SLC25A36: variants seen among roughly 807,000 people sequenced by gnomAD.
The protein encoded by SLC25A36 is epididymis secretory sperm binding protein.
In SLC25A36, 24 loss-of-function variants were observed where a neutral mutation model predicts 35.3. The ratio of observed to expected loss-of-function variants is 0.68; its 90% CI spans 0.49 to 0.96. The LOEUF (loss-of-function observed/expected upper bound fraction) is 0.96. Among genes scored for constraint, SLC25A36 ranks in the 40% least tolerant of loss-of-function variants. The pLI is 0.00. For synonymous variants in SLC25A36, 141 were observed against 132.2 expected (o/e 1.07, Z -0.46); for missense variants, 294 against 381.1 (o/e 0.77, Z 1.90).
chr3:140,955,307 T>G (rs972677031), intron 1 of SLC25A36, among the ~76,000 whole-genome samples: 2 of 151,982 alleles, frequency 1.3e-5, no homozygotes, highest in Admixed American at 1.3e-4. Context: ...ATTGCATGGG[T>G]TGCTTTTCTT....
At chr3:140,955,576 A>G (rs1266171294) in intron 1 of SLC25A36, among the ~76,000 whole-genome samples, 1 of 152,184 alleles carries the variant, frequency 6.6e-6, no homozygotes. Flanking sequence ...AGCTTTTGTT[A>G]TTATTGTTCT....
chr3:140,967,033 C>A (rs1450657400), intron 4 of SLC25A36: 1 of 456,200 alleles, frequency 2.2e-6, no homozygotes, highest in African/African-American at 2.0e-5. Context: ...CTAACTTAAA[C>A]CTCGTGAGTA....
At chr3:140,953,927 GC>G (rs1189434560) in intron 1 of SLC25A36, among the ~76,000 whole-genome samples, 2 of 152,204 alleles carry the variant, frequency 1.3e-5, no homozygotes, top group African/African-American at 4.8e-5. Context: ...CTATGATCGT[GC>G]CACTGCACTC....
intron 3 of SLC25A36, among the ~76,000 whole-genome samples, chr3:140,962,602 T>C (rs1576483713): frequency 6.6e-6 from 1 of 152,264 alleles, no homozygotes; most frequent in East Asian, 1.9e-4. Context: ...GTTTAGCATA[T>C]ACTTTAATCA....
chr3:140,948,170 G>T (rs1034027422), intron 1 of SLC25A36, among the ~76,000 whole-genome samples: 1 of 152,130 alleles, frequency 6.6e-6, no homozygotes, highest in African/African-American at 2.4e-5. Context: ...GGTCAGGCTG[G>T]TCTTGAGCTC....
At chr3:140,942,775 A>G (rs982277651) in intron 1 of SLC25A36, 1 of 152,050 alleles carries the variant, frequency 6.6e-6, no homozygotes, top group Non-Finnish European at 1.5e-5. Flanking sequence ...AGGCTTTGGT[A>G]TTCTCCCGTG....
At chr3:140,945,353 C>T (rs1934135198) in intron 1 of SLC25A36, among the ~76,000 whole-genome samples, 2 of 152,176 alleles carry the variant, frequency 1.3e-5, no homozygotes, top group Non-Finnish European at 1.5e-5. Context: ...ATTCAGACAT[C>T]CTCCTTCCCT....
At chr3:140,975,094 A>ATTGTTTTTTTTTTTT (rs1272903563) in intron 6 of SLC25A36, among the ~76,000 whole-genome samples, 1 of 24,236 alleles carries the variant, frequency 4.1e-5, no homozygotes, top group Non-Finnish European at 1.3e-4. Flanking sequence ...AACAAGATAC[A>ATTGTTTTTTTTTTTT]TTCTTTTTTT....
intron 6 of SLC25A36, among the ~76,000 whole-genome samples, chr3:140,975,491 G>T (rs910402920): frequency 6.6e-6 from 1 of 152,068 alleles, no homozygotes; most frequent in Admixed American, 6.6e-5. Flanking sequence ...GCTGTGGGTT[G>T]CTTTAGACTA....
chr3:140,953,266 C>A lies in SLC25A36; in HGVS notation c.42-3261C>A, dbSNP rs188975536. Among the ~76,000 whole-genome samples the A allele has an allele frequency of 4.6e-3, 694 of 151,920 alleles. 7 individuals carry two copies. The highest frequency in any genetic ancestry group is 0.016 in the African/African-American group (648 of 41,430). ...CTATTTCATGGCTGTTTGAAAATAT[C>A]TTTTCCTTGTTTATTGAGTATTGAG... On this transcript the variant is annotated intron_variant, in intron 1 of 6. Transcript: ENST00000324194.
At chr3:140,971,053 A>G (rs956711686) in intron 5 of SLC25A36, 60 bp downstream of exon 5, 7 of 757,634 alleles carry the variant, frequency 9.2e-6, no homozygotes, top group Non-Finnish European at 1.2e-5. Context: ...TTTTTTCTAC[A>G]AAGTTTTTCT....
In SLC25A36 at chr3:140,949,017, T is replaced by C. The variant is rs577752418; in HGVS notation, c.41+6922T>C. Reference sequence around the variant, plus strand: ...TCAATAACTAGTGTGGGAGAGCACTTTGAGGCTCCCAACAGAGGCCTTGCT... The same window carrying C: ...TCAATAACTAGTGTGGGAGAGCACTCTGAGGCTCCCAACAGAGGCCTTGCT... On this transcript the variant is annotated intron_variant, in intron 1 of 6. Coordinates refer to ENST00000324194, the MANE Select transcript of SLC25A36 (RefSeq NM_001104647.3). Among the ~76,000 whole-genome samples, 6 of 152,352 alleles carry C rather than the reference T, an allele frequency of 3.9e-5. 1 individual carries two copies. In the South Asian group the frequency reaches 6.2e-4, roughly 16 times the overall value.
At position 140,973,701 on chromosome 3, in the gene SLC25A36, C is replaced by T; in HGVS notation, c.453-15C>T. The T allele has an allele frequency of 2.8e-6, 4 of 1,427,776 alleles. No individual in the cohort carries two copies. The highest frequency in any genetic ancestry group is 3.7e-5 in the South Asian group (2 of 54,288). The allele number at this position is 1,427,776 out of a possible 1,614,324, so 88.4% of individuals were successfully genotyped here. The stretch of plus-strand genomic sequence containing the variant: ...TAAAAAACCTATCAGTAAGATGTTT[C>T]TTTTTGCTTTTCAGGAACCGCGGGG... On this transcript the variant is annotated splice_polypyrimidine_tract_variant and intron_variant, in intron 5 of 6. Coordinates refer to ENST00000324194, the MANE Select transcript of SLC25A36 (RefSeq NM_001104647.3).
At chr3:140,961,613 T>C (rs1934627602) in intron 3 of SLC25A36, among the ~76,000 whole-genome samples, 2 of 151,992 alleles carry the variant, frequency 1.3e-5, no homozygotes, top group African/African-American at 2.4e-5. Context: ...CCCAGCACTT[T>C]GGGAGGCCAA....
At position 140,941,898 on chromosome 3, in the gene SLC25A36, G is replaced by C. The variant is rs532991433; in HGVS notation, c.-157G>C. 9.5e-6 allele frequency: 5 copies of C among 527,956 alleles called. No individual in the cohort carries two copies. The Admixed American group carries it at 1.2e-4, about 13-fold the overall frequency. The allele number at this position is 527,956 out of a possible 1,614,324, so 32.7% of individuals were successfully genotyped here. On this transcript the variant is annotated 5_prime_UTR_variant, in exon 1 of 7. Transcript: ENST00000324194. The stretch of plus-strand genomic sequence containing the variant: ...GGCGCGGCTGGAGTGCCGCGGGGAG[G>C]GCTGTGCCGGTTGCTTTCTGCAGCC...
At chr3:140,943,372 G>A (rs1576473856) in intron 1 of SLC25A36, among the ~76,000 whole-genome samples, 1 of 152,170 alleles carries the variant, frequency 6.6e-6, no homozygotes, top group Admixed American at 6.5e-5. Context: ...ACAAATATTT[G>A]TTGTACACCA....
At chr3:140,975,097 CTTTTTTTTTTTTTTTTTT>C (rs10662120) in intron 6 of SLC25A36, among the ~76,000 whole-genome samples, 16 of 55,186 alleles carry the variant, frequency 2.9e-4, no homozygotes, top group African/African-American at 9.1e-4. Flanking sequence ...AAGATACATT[CTTTTTTTTTTTTTTTTTT>C]TTTTTTTTTT....
intron 4 of SLC25A36, chr3:140,966,830 G>T: frequency 2.4e-6 from 1 of 414,044 alleles, no homozygotes. Flanking sequence ...AGATCTCACA[G>T]TAAATATTTC....
intron 1 of SLC25A36, among the ~76,000 whole-genome samples, chr3:140,955,695 A>AT (rs146148024): frequency 0.075 from 11,329 of 151,652 alleles, 533 homozygotes; most frequent in East Asian, 0.17. Context: ...TCAAATGCCA[A>AT]TTTTTTTTCT....
Sources: allele counts gnomAD v4.1 joint callset (sites outside exome capture counted in the v4.1 genomes callset), GRCh38; gene constraint gnomAD v4.1.1; transcripts MANE v1.5; gene names NCBI Gene and HGNC (gene_info 2026-07-23, HGNC 2026-07-21).